C4orf17: variants seen among roughly 807,000 people sequenced by gnomAD.
C4orf17 encodes the protein chromosome 4 open reading frame 17.
Under a neutral mutation model 32.0 loss-of-function variants are expected in C4orf17, and 25 were observed. The ratio of observed to expected loss-of-function variants is 0.78; its 90% CI spans 0.57 to 1.09. C4orf17 has a LOEUF of 1.09. C4orf17 is among the 50% of genes least tolerant of loss of function. The pLI, the probability that C4orf17 is intolerant of heterozygous loss-of-function variation, is 0.00. For synonymous variants in C4orf17, 149 were observed against 145.8 expected (o/e 1.02, Z -0.16); for missense variants, 420 against 420.0 (o/e 1.00, Z 0.00).
Position 99,514,048 on chromosome 4 carries a change from C to T in C4orf17, c.127+840C>T, listed in dbSNP as rs539611430. 1.3e-3 allele frequency among the ~76,000 whole-genome samples: 205 copies of T among 152,126 alleles called. 1 individual carries two copies. The highest frequency in any genetic ancestry group is 4.5e-3 in the African/African-American group (185 of 41,508). The stretch of plus-strand genomic sequence containing the variant: ...TAGCATATCAACACTGGCTATTGGG[C>T]GTAATCTAAATAGACCCTCACACCC... On this transcript the variant is annotated intron_variant, in intron 2 of 8. Coordinates refer to ENST00000326581, the MANE Select transcript of C4orf17 (RefSeq NM_032149.3).
At chr4:99,513,258 C>T in intron 2 of C4orf17, 50 bp downstream of exon 2, 1 of 1,603,204 alleles carries the variant, frequency 6.2e-7, no homozygotes, top group Middle Eastern at 1.7e-4. Flanking sequence ...TACACTTGGG[C>T]TATTTGATAA....
intron 8 of C4orf17, chr4:99,541,197 G>T (rs1723646624): frequency 6.6e-6 from 1 of 152,184 alleles, no homozygotes; most frequent in African/African-American, 2.4e-5. Flanking sequence ...CTAGACTCCA[G>T]CAAGTTCCAC....
At chr4:99,539,544 G>A (rs1723619082) in intron 7 of C4orf17, among the ~76,000 whole-genome samples, 174 bp downstream of exon 7, 1 of 152,166 alleles carries the variant, frequency 6.6e-6, no homozygotes, top group Admixed American at 6.5e-5. Flanking sequence ...TATAAGAATT[G>A]TTCTCAATTC....
chr4:99,515,515 G>C (rs900230346), intron 2 of C4orf17, among the ~76,000 whole-genome samples: 1 of 151,698 alleles, frequency 6.6e-6, no homozygotes, highest in Non-Finnish European at 1.5e-5. Flanking sequence ...GGGACACATA[G>C]AGGGGAACAA....
chr4:99,539,264 G>GTT lies in C4orf17; in HGVS notation c.730_731insTT (p.Gly244ValfsTer26). ...CTCAATGGAACCAGCAGCAGAGACT[G>GTT]GGAAGCCACCCACAGTTAAATCACC... On this transcript the variant is annotated frameshift_variant, in exon 7 of 9. Transcript: ENST00000326581. LOFTEE classifies it high-confidence loss of function. 1 of 1,613,372 alleles carries GTT rather than the reference G, an allele frequency of 6.2e-7. No homozygotes were observed. The highest frequency in any genetic ancestry group is 8.5e-7 in the Non-Finnish European group (1 of 1,179,964).
At chr4:99,531,713 A>G (rs1723479302) in intron 5 of C4orf17, among the ~76,000 whole-genome samples, 1 of 152,188 alleles carries the variant, frequency 6.6e-6, no homozygotes, top group African/African-American at 2.4e-5. Context: ...TTTGCCAAAT[A>G]GTTGTTGACT....
At chr4:99,531,217 T>G (rs1252519680) in intron 5 of C4orf17, among the ~76,000 whole-genome samples, 1 of 152,056 alleles carries the variant, frequency 6.6e-6, no homozygotes, top group Non-Finnish European at 1.5e-5. Context: ...CCACTGAAAT[T>G]TAAATCATAT....
intron 6 of C4orf17, 131 bp from the exon 7 acceptor site, chr4:99,539,032 C>A: frequency 1.2e-6 from 1 of 838,824 alleles, no homozygotes. Context: ...AGTCCTTACT[C>A]CCACATAGGT....
At chr4:99,516,897 C>T (rs1342978325) in intron 2 of C4orf17, among the ~76,000 whole-genome samples, 1 of 152,242 alleles carries the variant, frequency 6.6e-6, no homozygotes, top group Non-Finnish European at 1.5e-5. Context: ...ATCCACCATT[C>T]TGCATAGGCT....
At chr4:99,529,014 C>T (rs1018585141) in intron 4 of C4orf17, among the ~76,000 whole-genome samples, 4 of 152,086 alleles carry the variant, frequency 2.6e-5, no homozygotes, top group African/African-American at 9.7e-5. Flanking sequence ...ATAACAAAGT[C>T]TGTATAATAA....
At chr4:99,529,536 A>G (rs884274) in intron 4 of C4orf17, among the ~76,000 whole-genome samples, 53,731 of 152,044 alleles carry the variant, frequency 0.35, 10,199 homozygotes, top group African/African-American at 0.49. Flanking sequence ...CTGTTATCTG[A>G]AACTGCAATA....
intron 2 of C4orf17, among the ~76,000 whole-genome samples, chr4:99,518,544 T>TAGAGAGAGAGAG (rs70958313): frequency 3.0e-4 from 11 of 36,814 alleles, no homozygotes; most frequent in Non-Finnish European, 4.1e-4. Context: ...TATATATATA[T>TAGAGAGAGAGAG]AGAGAGAGAG....
intron 1 of C4orf17, among the ~76,000 whole-genome samples, 154 bp downstream of exon 1, chr4:99,511,426 T>A (rs112790221): frequency 6.6e-6 from 1 of 151,980 alleles, no homozygotes; most frequent in Non-Finnish European, 1.5e-5. Context: ...TTGTTGACTT[T>A]TTTTTTTTCA....
At chr4:99,541,833 A>G in intron 8 of C4orf17, 77 bp from the exon 9 acceptor site, 1 of 1,027,652 alleles carries the variant, frequency 9.7e-7, no homozygotes, top group South Asian at 1.5e-5. Flanking sequence ...TTTATAGATA[A>G]TTTACTACTA....
chr4:99,522,414 G>T, intron 2 of C4orf17, 86 bp from the exon 3 acceptor site: 1 of 1,040,410 alleles, frequency 9.6e-7, no homozygotes. Context: ...ATTTGGTTGG[G>T]AAATTGTTGA....
chr4:99,522,629 G>A lies in C4orf17; in HGVS notation c.257G>A (p.Ser86Asn). ...IPFANCSYPS[S>N]TAVQESPVRG... Reference sequence around the variant, plus strand: ...TTTGCCAATTGCAGTTACCCCTCCAGCACTGCAGTCCAGGAGAGCCCTGTA... The same window carrying A: ...TTTGCCAATTGCAGTTACCCCTCCAACACTGCAGTCCAGGAGAGCCCTGTA... Residue 86 changes from serine to asparagine, a missense_variant, in exon 3 of 9, where the codon AGC becomes AAC. Transcript: ENST00000326581. 1.2e-6 allele frequency: 2 copies of A among 1,614,024 alleles called. No homozygotes were observed. The highest frequency in any genetic ancestry group is 1.7e-6 in the Non-Finnish European group (2 of 1,179,964).
chr4:99,512,680 AT>A (rs1044765342), intron 1 of C4orf17, among the ~76,000 whole-genome samples: 3 of 151,974 alleles, frequency 2.0e-5, no homozygotes, highest in Admixed American at 6.6e-5. Context: ...TAATCATGTA[AT>A]TTTTTTTGGT....
In C4orf17 at chr4:99,522,693, T is replaced by C; in HGVS notation, c.321T>C (p.Pro107=). 1 of 1,613,438 alleles carries C rather than the reference T, an allele frequency of 6.2e-7. No homozygotes were observed. Among genetic ancestry groups the C allele is most frequent in the Non-Finnish European group, 8.5e-7 (1 of 1,179,746 alleles). The change falls in exon 3 of 9, where the codon CCT becomes CCC. Residue 107 remains proline (P), a synonymous_variant. Transcript: ENST00000326581. ...CAGCCCCAAACGGTGCCAAAGTGCC[T>C]CCACGGCCTCATTCTGGTGAGTTGA... The part of the protein sequence containing the change: ...MSPAPNGAKV[P]PRPHSEPSRK...
intron 5 of C4orf17, among the ~76,000 whole-genome samples, chr4:99,537,337 G>T (rs1413841992): frequency 6.6e-6 from 1 of 152,172 alleles, no homozygotes; most frequent in Non-Finnish European, 1.5e-5. Flanking sequence ...GAATATCTGT[G>T]TGTCAGTGTA....
Sources: gnomAD v4.1 joint callset for allele counts (sites outside exome capture counted in the v4.1 genomes callset) on GRCh38, gnomAD v4.1.1 for gene constraint, MANE v1.5 for transcripts, NCBI Gene and HGNC (gene_info 2026-07-23, HGNC 2026-07-21) for gene names.